Variants in RNF180 observed in about 807,000 individuals in gnomAD.
RNF180 encodes the protein E3 ubiquitin-protein ligase RNF180.
RNF180 carries 38 observed loss-of-function variants against 59.2 expected under a neutral mutation model. That is an observed-to-expected ratio of 0.64 (90% confidence interval 0.50 to 0.84). RNF180 has a LOEUF of 0.84. Among genes scored for constraint, RNF180 ranks in the 40% least tolerant of loss-of-function variants. RNF180 has a pLI of 0.00. For synonymous variants in RNF180, 262 were observed against 240.3 expected (o/e 1.09, Z -0.84); for missense variants, 705 against 700.9 (o/e 1.01, Z -0.07).
At chr5:64,231,508 C>T (rs553292451) in intron 5 of RNF180, among the ~76,000 whole-genome samples, 1 of 152,324 alleles carries the variant, frequency 6.6e-6, no homozygotes, top group African/African-American at 2.4e-5. Flanking sequence ...ATGCCACAAA[C>T]TTGCTGAGTT....
chr5:64,260,013 AATTATT>A (rs1359866352), intron 5 of RNF180, among the ~76,000 whole-genome samples: 1 of 152,182 alleles, frequency 6.6e-6, no homozygotes, highest in African/African-American at 2.4e-5. Context: ...CCAAAAAAGC[AATTATT>A]ATTATTTTAG....
At chr5:64,224,231 A>T (rs1343992342) in intron 5 of RNF180, among the ~76,000 whole-genome samples, 1 of 152,202 alleles carries the variant, frequency 6.6e-6, no homozygotes, top group African/African-American at 2.4e-5. Flanking sequence ...ATTTATTAAC[A>T]GCAGCAAAGA....
chr5:64,366,827 G>A (rs1400197076), intron 7 of RNF180, among the ~76,000 whole-genome samples: 1 of 151,570 alleles, frequency 6.6e-6, no homozygotes, highest in Non-Finnish European at 1.5e-5. Flanking sequence ...TGAAATAATA[G>A]ATGAGAACTT....
chr5:64,188,433 C>T (rs1036696933), intron 1 of RNF180, among the ~76,000 whole-genome samples: 5 of 151,698 alleles, frequency 3.3e-5, no homozygotes, highest in Admixed American at 2.0e-4. Flanking sequence ...TTTTAAGTGC[C>T]GTGCCCAGGA....
intron 5 of RNF180, among the ~76,000 whole-genome samples, chr5:64,241,789 T>C (rs1278692812): frequency 6.6e-6 from 1 of 152,112 alleles, no homozygotes; most frequent in East Asian, 1.9e-4. Flanking sequence ...ATTACCCACA[T>C]TACTCCTCCG....
intron 5 of RNF180, among the ~76,000 whole-genome samples, chr5:64,273,097 G>T (rs1299373118): frequency 6.6e-6 from 1 of 151,848 alleles, no homozygotes; most frequent in Non-Finnish European, 1.5e-5. Flanking sequence ...GTGACCTCAG[G>T]TTGTCCTCAC....
chr5:64,281,236 C>CTGT (rs1741994622), intron 5 of RNF180, among the ~76,000 whole-genome samples: 1 of 152,156 alleles, frequency 6.6e-6, no homozygotes, highest in Non-Finnish European at 1.5e-5. Flanking sequence ...TATATAAAAT[C>CTGT]ATATCATCCA....
At chr5:64,180,879 G>A (rs528009779) in intron 1 of RNF180, among the ~76,000 whole-genome samples, 22 of 152,268 alleles carry the variant, frequency 1.4e-4, no homozygotes, top group African/African-American at 5.3e-4. Context: ...GGCAGAAGGG[G>A]AATTTGTCAT....
intron 5 of RNF180, among the ~76,000 whole-genome samples, chr5:64,259,114 G>A (rs1744164663): frequency 6.6e-6 from 1 of 152,150 alleles, no homozygotes; most frequent in Non-Finnish European, 1.5e-5. Context: ...GGGCGGGAGT[G>A]GGTGGAATAC....
chr5:64,211,050 C>T (rs1276215281), intron 2 of RNF180, among the ~76,000 whole-genome samples: 2 of 152,070 alleles, frequency 1.3e-5, no homozygotes, highest in East Asian at 3.9e-4. Context: ...GATGTGGAAA[C>T]TACATTCTTT....
chr5:64,248,606 A>G (rs1743345966), intron 5 of RNF180, among the ~76,000 whole-genome samples: 1 of 152,200 alleles, frequency 6.6e-6, no homozygotes, highest in Admixed American at 6.5e-5. Flanking sequence ...TCAGGAATCA[A>G]CAGATTCTGG....
chr5:64,351,311 G>C (rs1292541254), intron 7 of RNF180, among the ~76,000 whole-genome samples: 1 of 152,106 alleles, frequency 6.6e-6, no homozygotes, highest in Non-Finnish European at 1.5e-5. Flanking sequence ...GGGCTGAGAT[G>C]ATGGGGTTTT....
intron 7 of RNF180, among the ~76,000 whole-genome samples, chr5:64,353,583 T>G (rs1181994359): frequency 6.6e-6 from 1 of 151,806 alleles, no homozygotes; most frequent in Non-Finnish European, 1.5e-5. Flanking sequence ...CCAGAATTCA[T>G]GAGTATAAAT....
intron 5 of RNF180, among the ~76,000 whole-genome samples, chr5:64,317,623 T>TAC (rs3069586): frequency 0.019 from 2,699 of 144,918 alleles, 71 homozygotes; most frequent in South Asian, 0.055. Context: ...CACACATATA[T>TAC]ACACACACAC....
At chr5:64,266,026 A>G (rs555065511) in intron 5 of RNF180, among the ~76,000 whole-genome samples, 35 of 152,108 alleles carry the variant, frequency 2.3e-4, no homozygotes, top group Non-Finnish European at 3.5e-4. Context: ...CTGTTTGTCT[A>G]TTATTGGTGT....
At chr5:64,246,925 T>C (rs1330707038) in intron 5 of RNF180, among the ~76,000 whole-genome samples, 2 of 152,184 alleles carry the variant, frequency 1.3e-5, no homozygotes, top group African/African-American at 4.8e-5. Flanking sequence ...TCAAGTCAGC[T>C]TCATCCCTGG....
intron 1 of RNF180, among the ~76,000 whole-genome samples, chr5:64,189,399 G>C (rs916219331): frequency 2.2e-4 from 34 of 152,142 alleles, no homozygotes; most frequent in Admixed American, 2.0e-3. Flanking sequence ...AGGTGATTCT[G>C]GTGAAGTCTC....
rs73103180 is a variant in RNF180 at position 64,304,836 on chromosome 5, G to A, written c.1228-20350G>A. On this transcript the variant is annotated intron_variant, in intron 5 of 7. Coordinates refer to ENST00000389100, the MANE Select transcript of RNF180 (RefSeq NM_001113561.2). ...ACTGTGGATAATATGCTATAAAACA[G>A]CATTGCATGCTACAGATAAATTTTT... 8.2e-3 allele frequency among the ~76,000 whole-genome samples: 1,249 copies of A among 151,714 alleles called. 17 individuals are homozygous for A. The highest frequency in any genetic ancestry group is 0.029 in the African/African-American group (1,195 of 41,476).
At chr5:64,248,148 A>G (rs1743308380) in intron 5 of RNF180, among the ~76,000 whole-genome samples, 1 of 152,224 alleles carries the variant, frequency 6.6e-6, no homozygotes, top group Non-Finnish European at 1.5e-5. Flanking sequence ...CTAAAACCAT[A>G]AAAGCTCTAG....
Sources: gnomAD v4.1 joint callset for allele counts (sites outside exome capture counted in the v4.1 genomes callset) on GRCh38, gnomAD v4.1.1 for gene constraint, MANE v1.5 for transcripts, NCBI Gene and HGNC (gene_info 2026-07-23, HGNC 2026-07-21) for gene names.